LMCD1: variants seen among roughly 807,000 people sequenced by gnomAD.
The protein encoded by LMCD1 is LIM and cysteine rich domains 1.
Under a neutral mutation model 42.7 loss-of-function variants are expected in LMCD1, and 32 were observed. That is an observed-to-expected ratio of 0.75 (90% CI 0.57 to 1.01). The LOEUF (loss-of-function observed/expected upper bound fraction) is 1.01. Ranked by LOEUF, LMCD1 falls within the 50% of genes least tolerant of loss-of-function variation. The pLI is 0.00. For synonymous variants in LMCD1, 178 were observed against 184.9 expected (o/e 0.96, Z 0.30); for missense variants, 458 against 483.1 (o/e 0.95, Z 0.49).
At chr3:8,554,945 C>T (rs778115748) in intron 4 of LMCD1, among the ~76,000 whole-genome samples, 5 of 152,132 alleles carry the variant, frequency 3.3e-5, no homozygotes, top group Non-Finnish European at 7.3e-5. Flanking sequence ...TCCTGCCGGG[C>T]GCCTCCCCGT....
At chr3:8,566,019 G>T (rs1695127703) in intron 5 of LMCD1, among the ~76,000 whole-genome samples, 1 of 152,182 alleles carries the variant, frequency 6.6e-6, no homozygotes, top group Non-Finnish European at 1.5e-5. Context: ...CTGAGTCTCA[G>T]TTTTACTACT....
intron 1 of LMCD1, among the ~76,000 whole-genome samples, chr3:8,510,878 C>T (rs1172270441): frequency 6.6e-6 from 1 of 152,102 alleles, no homozygotes; most frequent in African/African-American, 2.4e-5. Flanking sequence ...AGACAAAGAA[C>T]CTAAAAATAT....
At chr3:8,540,352 T>C (rs1694600203) in intron 3 of LMCD1, among the ~76,000 whole-genome samples, 1 of 152,236 alleles carries the variant, frequency 6.6e-6, no homozygotes, top group East Asian at 1.9e-4. Flanking sequence ...TACTGTATAC[T>C]AGCCACCATA....
intron 1 of LMCD1, among the ~76,000 whole-genome samples, chr3:8,507,199 T>C (rs931686): frequency 0.47 from 71,834 of 152,130 alleles, 17,664 homozygotes; most frequent in Non-Finnish European, 0.52. Flanking sequence ...CATTGTTGGA[T>C]GTTTACATAT....
Position 8,569,248 on chromosome 3 carries a change from C to A in LMCD1, c.*1650C>A, listed in dbSNP as rs564043658. ...TTCTTCCTAAGCATGCAGAAGCTCC[C>A]TCTGATCAAGCCCTTCCCTTTGCTT... On this transcript the variant is annotated 3_prime_UTR_variant, in exon 6 of 6. Transcript: ENST00000157600. 2.0e-5 allele frequency: 3 copies of A among 152,326 alleles called. No individual in the cohort carries two copies. Among genetic ancestry groups the A allele is most frequent in the South Asian group, 2.1e-4 (1 of 4,826 alleles). 9.4% of individuals were successfully genotyped at this position (152,326 alleles called of 1,614,324 possible).
rs375700725 is a variant in LMCD1, at chr3:8,537,311, A to C, written c.258A>C (p.Lys86Asn). 1.7e-4 allele frequency: 279 copies of C among 1,614,000 alleles called. No homozygotes were observed. The highest frequency in any genetic ancestry group is 2.2e-4 in the Non-Finnish European group (259 of 1,180,028). The part of the protein sequence containing the change: ...SKYSTLTARV[K>N]GGDGIRIYKR... ...ATTCCACCCTCACTGCTCGGGTGAAAGGCGGGGACGGCATCCGGATTTACA... is the reference window on the plus strand; with the variant it reads ...ATTCCACCCTCACTGCTCGGGTGAACGGCGGGGACGGCATCCGGATTTACA... The change falls in exon 3 of 6, where the codon AAA (lysine) becomes AAC (asparagine). Residue 86 changes from lysine (K) to asparagine (N), a missense_variant. Transcript: ENST00000157600.
intron 4 of LMCD1, among the ~76,000 whole-genome samples, chr3:8,563,857 G>A (rs1237052244): frequency 6.6e-6 from 1 of 152,222 alleles, no homozygotes; most frequent in African/African-American, 2.4e-5. Flanking sequence ...GATAAGAGGA[G>A]CAGTTTGCCC....
At chr3:8,503,890 ACTC>A (rs1364571276) in intron 1 of LMCD1, among the ~76,000 whole-genome samples, 2 of 151,500 alleles carry the variant, frequency 1.3e-5, no homozygotes, top group South Asian at 4.2e-4. Context: ...GTATATGGAG[ACTC>A]CTCCTCCTCA....
At chr3:8,520,600 T>A (rs1694186273) in intron 1 of LMCD1, among the ~76,000 whole-genome samples, 1 of 152,174 alleles carries the variant, frequency 6.6e-6, no homozygotes, top group South Asian at 2.1e-4. Flanking sequence ...GGAGTTTGGA[T>A]AACTTGTGGC....
intron 3 of LMCD1, among the ~76,000 whole-genome samples, chr3:8,541,878 C>T (rs1272311436): frequency 2.6e-5 from 4 of 151,912 alleles, no homozygotes; most frequent in Admixed American, 6.6e-5. Flanking sequence ...TGATTAGCAA[C>T]GTTTGTGAAT....
At chr3:8,554,832 G>C (rs1274579922) in intron 4 of LMCD1, among the ~76,000 whole-genome samples, 1 of 152,158 alleles carries the variant, frequency 6.6e-6, no homozygotes, top group African/African-American at 2.4e-5. Flanking sequence ...TTTTGCCCAG[G>C]AATTTCCGCC....
At chr3:8,503,398 T>C (rs1693806610) in intron 1 of LMCD1, among the ~76,000 whole-genome samples, 1 of 152,242 alleles carries the variant, frequency 6.6e-6, no homozygotes, top group African/African-American at 2.4e-5. Flanking sequence ...GTCTGGAATG[T>C]ATCATGCCTC....
chr3:8,559,454 C>T (rs1383126597), intron 4 of LMCD1, among the ~76,000 whole-genome samples: 4 of 152,182 alleles, frequency 2.6e-5, no homozygotes, highest in Admixed American at 1.3e-4. Flanking sequence ...TCATTACTAT[C>T]GCCATTCAAC....
At chr3:8,505,998 T>A (rs1375038701) in intron 1 of LMCD1, among the ~76,000 whole-genome samples, 1 of 152,222 alleles carries the variant, frequency 6.6e-6, no homozygotes, top group Non-Finnish European at 1.5e-5. Flanking sequence ...ATAAGCAACT[T>A]TTTTGCCATA....
Position 8,537,258 on chromosome 3 carries a change from A to T in LMCD1, c.205A>T (p.Ile69Phe). 6.2e-7 allele frequency: 1 copy of T among 1,614,124 alleles called. No homozygotes were observed. Among genetic ancestry groups the T allele is most frequent in the Non-Finnish European group, 8.5e-7 (1 of 1,180,018 alleles). Residue 69 changes from isoleucine to phenylalanine, a missense_variant, in exon 3 of 6, where the codon ATT becomes TTT. By Grantham distance (21) the Ile-to-Phe change is conservative. Transcript: ENST00000157600. The part of the protein sequence containing the change: ...LTSDLEDDRK[I>F]GRLLMDSKYS... ...ATCTGACCTAGAAGACGATCGGAAA[A>T]TTGGCCGCTTGCTGATGGACTCCAA...
intron 4 of LMCD1, among the ~76,000 whole-genome samples, chr3:8,551,791 C>T (rs1235474298): frequency 2.6e-5 from 4 of 152,184 alleles, no homozygotes; most frequent in East Asian, 1.9e-4. Flanking sequence ...ATCAAGTGGA[C>T]GTGTGTGCTG....
chr3:8,551,557 T>C lies in LMCD1; in HGVS notation c.723+2654T>C, dbSNP rs1373528798. 5.9e-5 allele frequency among the ~76,000 whole-genome samples: 9 copies of C among 152,352 alleles called. No homozygotes were observed. The East Asian group carries it at 1.5e-3, about 26-fold the overall frequency. Reference sequence around the variant, plus strand: ...ATCCAATACCCTTTCTGTGATAAGATGCTAAGTTGTAAAACCCGGCTTGTT... The same window carrying C: ...ATCCAATACCCTTTCTGTGATAAGACGCTAAGTTGTAAAACCCGGCTTGTT... On this transcript the variant is annotated intron_variant, in intron 4 of 5. Coordinates refer to ENST00000157600, the MANE Select transcript of LMCD1 (RefSeq NM_014583.4).
At chr3:8,550,663 C>T in intron 4 of LMCD1, 1 of 985,026 alleles carries the variant, frequency 1.0e-6, no homozygotes, top group Non-Finnish European at 1.2e-6. Flanking sequence ...AGGAAGAATA[C>T]ATGTCCTAAG....
At chr3:8,515,666 G>C (rs1056346901) in intron 1 of LMCD1, among the ~76,000 whole-genome samples, 3 of 152,214 alleles carry the variant, frequency 2.0e-5, no homozygotes, top group South Asian at 4.1e-4. Context: ...AAGGGAGTGG[G>C]ATGGAATCGG....
Sources: allele counts gnomAD v4.1 joint callset (sites outside exome capture counted in the v4.1 genomes callset), GRCh38; gene constraint gnomAD v4.1.1; transcripts MANE v1.5; gene names NCBI Gene and HGNC (gene_info 2026-07-23, HGNC 2026-07-21).